The following RAD50 variants were observed in gnomAD, a reference collection of about 807,000 sequenced individuals.
The protein encoded by RAD50 is DNA repair protein RAD50.
In RAD50, 132 loss-of-function variants were observed where a neutral mutation model predicts 168.8. The observed-to-expected ratio is 0.78, with a 90% CI of 0.68 to 0.90. RAD50 has a LOEUF of 0.90. RAD50 is among the 40% of genes least tolerant of loss of function. The pLI, the probability that RAD50 is intolerant of heterozygous loss-of-function variation, is 0.00. For synonymous variants in RAD50, 525 were observed against 497.4 expected (o/e 1.06, Z -0.74); for missense variants, 1,347 against 1,534.4 (o/e 0.88, Z 2.04).
intron 23 of RAD50, among the ~76,000 whole-genome samples, chr5:132,640,252 G>A (rs73261638): frequency 0.015 from 2,210 of 152,290 alleles, 64 homozygotes; most frequent in African/African-American, 0.051. Context: ...AGAGGCTCTA[G>A]AAAACGTGTC....
chr5:132,594,805 A>G (rs982511845), intron 11 of RAD50, 64 bp from the exon 12 acceptor site: 10 of 1,474,368 alleles, frequency 6.8e-6, no homozygotes, highest in Non-Finnish European at 9.4e-6. Context: ...GTTTTTGCCT[A>G]CTCAAATTTT....
chr5:132,628,248 T>G (rs1751401747), intron 21 of RAD50, among the ~76,000 whole-genome samples: 1 of 151,974 alleles, frequency 6.6e-6, no homozygotes, highest in Non-Finnish European at 1.5e-5. Context: ...ACCCATGAGA[T>G]GAGATCACAT....
In RAD50 at chr5:132,579,375, A is replaced by G. The variant is rs1191643322; in HGVS notation, c.424A>G (p.Ser142Gly). 1.2e-6 allele frequency: 2 copies of G among 1,613,938 alleles called. No individual in the cohort carries two copies. Among genetic ancestry groups the G allele is most frequent in the Non-Finnish European group, 1.7e-6 (2 of 1,179,946 alleles). Residue 142 changes from serine to glycine, a missense_variant, in exon 4 of 25, where the codon AGT becomes GGT. Ser to Gly is a moderately conservative substitution (Grantham distance 56). Around this residue, in one of 3 missense-constraint regions of RAD50, gnomAD observed 703 missense variants for 767.7 expected, o/e 0.92. Transcript: ENST00000378823. ...KCAEIDREMI[S>G]SLGVSKAVLN... ...TGCAGAAATTGACCGAGAAATGATC[A>G]GTTCTCTTGGGGTTTCCAAGGCTGT...
chr5:132,557,094 TC>T lies in RAD50; in HGVS notation c.-227del. The T allele has an allele frequency of 1.5e-6, 1 of 683,564 alleles. No individual in the cohort carries two copies. Among genetic ancestry groups the T allele is most frequent in the Non-Finnish European group, 2.4e-6 (1 of 417,834 alleles). 42.3% of individuals were successfully genotyped at this position (683,564 alleles called of 1,614,324 possible). On this transcript the variant is annotated 5_prime_UTR_variant, in exon 1 of 25. Transcript: ENST00000378823. ...CCCAGGCTGGTCCCCGCCTCCGCTC[TC>T]CCCACCGGCGGGGAAAGCAGCTGGT...
rs1751754164 is a variant in RAD50 at position 132,642,603 on chromosome 5, C to T, written c.*239C>T. 3.6e-6 allele frequency: 2 copies of T among 558,840 alleles called. No individual in the cohort carries two copies. The highest frequency in any genetic ancestry group is 4.8e-4 in the Middle Eastern group (1 of 2,092). The allele number at this position is 558,840 out of a possible 1,614,324, so 34.6% of individuals were successfully genotyped here. ...CCCATTCCAGGCAGCCTCTGTCAGG[C>T]CTTCAGGGTTCAGCAGTACAGCCGA... is the stretch of plus-strand genomic sequence containing the variant. On this transcript the variant is annotated 3_prime_UTR_variant, in exon 25 of 25. Coordinates refer to ENST00000378823, the MANE Select transcript of RAD50 (RefSeq NM_005732.4).
intron 2 of RAD50, among the ~76,000 whole-genome samples, chr5:132,559,924 T>G (rs952833206): frequency 2.0e-5 from 3 of 152,150 alleles, no homozygotes; most frequent in African/African-American, 7.2e-5. Context: ...GAAAAAAAAG[T>G]ATCATGATAA....
intron 12 of RAD50, 58 bp downstream of exon 12, chr5:132,595,102 A>C (rs1207369715): frequency 1.0e-5 from 16 of 1,526,536 alleles, no homozygotes; most frequent in Non-Finnish European, 1.4e-5. Flanking sequence ...TTTCATTCAC[A>C]GGTAACTGTT....
intron 3 of RAD50, among the ~76,000 whole-genome samples, chr5:132,576,879 T>G (rs1198011068): frequency 2.6e-5 from 4 of 152,200 alleles, no homozygotes; most frequent in Non-Finnish European, 4.4e-5. Flanking sequence ...TTTATTTCAT[T>G]TGTAAAGTAG....
chr5:132,587,515 T>G (rs1490100338), intron 5 of RAD50, 47 bp from the exon 6 acceptor site: 1 of 1,602,466 alleles, frequency 6.2e-7, no homozygotes, highest in South Asian at 1.1e-5. Flanking sequence ...CTATCAGCCA[T>G]GTAAGCTATA....
rs2301713 is a variant in RAD50 at position 132,616,304 on chromosome 5, T to C, written c.3164+174T>C. 0.23 allele frequency among the ~76,000 whole-genome samples: 34,949 copies of C among 152,120 alleles called. 4,196 individuals carry two copies. Among genetic ancestry groups the C allele is most frequent in the African/African-American group, 0.28 (11,677 of 41,474 alleles). On this transcript the variant is annotated intron_variant, in intron 20 of 24. Transcript: ENST00000378823. Reference sequence around the variant, plus strand: ...TATTTCATGGCCTTAAGAACTTTATTACTGAAGAAGTGATATAGAATTGGT... The same window carrying C: ...TATTTCATGGCCTTAAGAACTTTATCACTGAAGAAGTGATATAGAATTGGT...
chr5:132,571,651 G>A (rs2706350), intron 2 of RAD50, among the ~76,000 whole-genome samples: 4,255 of 152,138 alleles, frequency 0.028, 211 homozygotes, highest in African/African-American at 0.098. Flanking sequence ...CTCAGAGGTC[G>A]TGGATGCAGT....
At chr5:132,628,263 A>C (rs1581014639) in intron 21 of RAD50, among the ~76,000 whole-genome samples, 1 of 152,316 alleles carries the variant, frequency 6.6e-6, no homozygotes, top group Non-Finnish European at 1.5e-5. Flanking sequence ...TCACATGTGG[A>C]ATGAGCATAG....
chr5:132,585,538 A>G (rs897336079), intron 5 of RAD50, among the ~76,000 whole-genome samples: 10 of 136,734 alleles, frequency 7.3e-5, no homozygotes, highest in Admixed American at 2.9e-4. Context: ...TCTTTTGCCT[A>G]TTTTTCAATG....
At chr5:132,621,781 T>G (rs1751290096) in intron 21 of RAD50, among the ~76,000 whole-genome samples, 1 of 152,194 alleles carries the variant, frequency 6.6e-6, no homozygotes, top group Non-Finnish European at 1.5e-5. Context: ...CTCTTAGGAT[T>G]TTTCCCTTTG....
At chr5:132,618,697 A>G (rs1751222813) in intron 21 of RAD50, among the ~76,000 whole-genome samples, 1 of 152,188 alleles carries the variant, frequency 6.6e-6, no homozygotes, top group Non-Finnish European at 1.5e-5. Context: ...TTCTCTTTAA[A>G]TATGGTATTT....
At chr5:132,567,058 C>G (rs1750221839) in intron 2 of RAD50, among the ~76,000 whole-genome samples, 1 of 152,124 alleles carries the variant, frequency 6.6e-6, no homozygotes, top group South Asian at 2.1e-4. Context: ...TCAGTTTGAA[C>G]CAAAACAACA....
In RAD50 at chr5:132,645,486, C is replaced by T. The variant is rs1751830140; in HGVS notation, c.*3122C>T. On this transcript the variant is annotated 3_prime_UTR_variant, in exon 25 of 25. Coordinates refer to ENST00000378823, the MANE Select transcript of RAD50 (RefSeq NM_005732.4). ...AGGTTTTAGTACTCAGAGTCTGCAC[C>T]TCTTTTCTTCTCTGTGCTCACTTAT... 1 of 152,278 alleles carries T rather than the reference C, an allele frequency of 6.6e-6. No individual in the cohort carries two copies. Among genetic ancestry groups the T allele is most frequent in the African/African-American group, 2.4e-5 (1 of 41,446 alleles). The allele number at this position is 152,278 out of a possible 1,614,324, so 9.4% of individuals were successfully genotyped here. A position where few individuals can be genotyped will look rare whatever the true frequency, so the allele number is the denominator to read the frequency against.
At chr5:132,582,803 T>A (rs987597879) in intron 5 of RAD50, among the ~76,000 whole-genome samples, 1 of 152,190 alleles carries the variant, frequency 6.6e-6, no homozygotes, top group African/African-American at 2.4e-5. Context: ...TTTTTGTTAT[T>A]GTTGTCTGCC....
chr5:132,606,511 C>G (rs980572288), intron 16 of RAD50, among the ~76,000 whole-genome samples: 1 of 152,138 alleles, frequency 6.6e-6, no homozygotes, highest in Admixed American at 6.5e-5. Context: ...CAGGACCAGA[C>G]AGATTCACAG....
Sources: gnomAD v4.1 joint callset for allele counts (sites outside exome capture counted in the v4.1 genomes callset) on GRCh38, gnomAD v4.1.1 for gene constraint, gnomAD v4.1.1 regional missense constraint, MANE v1.5 for transcripts, NCBI Gene and HGNC (gene_info 2026-07-23, HGNC 2026-07-21) for gene names.